RIC1: variants seen among roughly 807,000 people sequenced by gnomAD.
RIC1 encodes guanine nucleotide exchange factor subunit RIC1.
Under a neutral mutation model 169.0 loss-of-function variants are expected in RIC1, and 88 were observed. The ratio of observed to expected loss-of-function variants is 0.52; its 90% CI spans 0.44 to 0.62. The LOEUF (loss-of-function observed/expected upper bound fraction) is 0.62. Ranked by LOEUF, RIC1 falls within the 20% of genes least tolerant of loss-of-function variation. The pLI is 0.00. For missense variants in RIC1, 1,877 were observed against 1,725.5 expected (o/e 1.09, Z -1.56); for synonymous variants, 790 against 601.5 (o/e 1.31, Z -4.59).
At chr9:5,724,126 T>C (rs1334397924) in intron 6 of RIC1, among the ~76,000 whole-genome samples, 1 of 152,214 alleles carries the variant, frequency 6.6e-6, no homozygotes, top group Non-Finnish European at 1.5e-5. Context: ...GGGGATGGCA[T>C]TGAATCTATA....
chr9:5,760,138 ACT>A (rs1274476837), intron 17 of RIC1, among the ~76,000 whole-genome samples: 1 of 152,006 alleles, frequency 6.6e-6, no homozygotes, highest in Non-Finnish European at 1.5e-5. Flanking sequence ...AACAGTGAAA[ACT>A]CTTCAACAGC....
chr9:5,758,037 CAA>C (rs947690335), intron 17 of RIC1, among the ~76,000 whole-genome samples: 3 of 151,992 alleles, frequency 2.0e-5, no homozygotes, highest in African/African-American at 7.3e-5. Flanking sequence ...TGAAGTAAGA[CAA>C]AACTACTGTA....
chr9:5,629,673 C>T (rs562046277), intron 1 of RIC1, among the ~76,000 whole-genome samples: 131 of 152,296 alleles, frequency 8.6e-4, no homozygotes, highest in Middle Eastern at 3.4e-3. Context: ...GTCGCTGCTG[C>T]CGAAAATCCC....
chr9:5,766,100 G>T (rs912343166), intron 21 of RIC1, among the ~76,000 whole-genome samples: 1 of 152,154 alleles, frequency 6.6e-6, no homozygotes, highest in African/African-American at 2.4e-5. Flanking sequence ...GGAATGCAGT[G>T]GCACCATCTC....
intron 1 of RIC1, among the ~76,000 whole-genome samples, chr9:5,643,616 C>A (rs1434350318): frequency 6.6e-6 from 1 of 152,054 alleles, no homozygotes; most frequent in Non-Finnish European, 1.5e-5. Flanking sequence ...TAAACTAGCA[C>A]CTCATTTAGA....
intron 24 of RIC1, 38 bp from the exon 25 acceptor site, chr9:5,772,850 ATCTT>A (rs1563729021): frequency 1.9e-6 from 3 of 1,581,116 alleles, no homozygotes; most frequent in African/African-American, 1.4e-5. Context: ...CATCTTATAG[ATCTT>A]TCTTAGCATA....
At chr9:5,740,717 T>C (rs944056833) in intron 8 of RIC1, among the ~76,000 whole-genome samples, 5 of 151,772 alleles carry the variant, frequency 3.3e-5, no homozygotes, top group Admixed American at 1.3e-4. Context: ...GCTGATTAGA[T>C]TGTGCCCACC....
In RIC1 at chr9:5,753,517, TA is replaced by T. The variant is rs1202522667; in HGVS notation, c.1492-18del. ...ATATAGGTTTGCAAGGAAAAGTTCTTATTTTTTTTTTTAAACAGTTTTCAGC... is the reference window on the plus strand; with the variant it reads ...ATATAGGTTTGCAAGGAAAAGTTCTTTTTTTTTTTTTAAACAGTTTTCAGC... On this transcript the variant is annotated intron_variant, in intron 13 of 25. Coordinates refer to ENST00000414202, the MANE Select transcript of RIC1 (RefSeq NM_020829.4). 5 of 1,472,506 alleles carry T rather than the reference TA, an allele frequency of 3.4e-6. No homozygotes were observed. The highest frequency in any genetic ancestry group is 1.9e-5 in the Admixed American group (1 of 51,458). 91.2% of individuals were successfully genotyped at this position (1,472,506 alleles called of 1,614,324 possible). A position where few individuals can be genotyped will look rare whatever the true frequency, so the allele number is the denominator to read the frequency against.
At chr9:5,704,307 C>G (rs1056065887) in intron 3 of RIC1, among the ~76,000 whole-genome samples, 1 of 151,780 alleles carries the variant, frequency 6.6e-6, no homozygotes, top group Non-Finnish European at 1.5e-5. Context: ...ATTTCTTGGG[C>G]TCAAGCAATC....
intron 2 of RIC1, among the ~76,000 whole-genome samples, chr9:5,659,322 C>G (rs1819302972): frequency 1.3e-5 from 2 of 152,048 alleles, no homozygotes; most frequent in South Asian, 4.1e-4. Context: ...CTTTTGAAAT[C>G]AGGAAGTGGA....
chr9:5,629,877 G>C (rs551695901), intron 1 of RIC1, among the ~76,000 whole-genome samples: 2 of 152,364 alleles, frequency 1.3e-5, no homozygotes, highest in Non-Finnish European at 2.9e-5. Flanking sequence ...TTTGGAGTTA[G>C]GGAAAGCCTC....
At chr9:5,652,931 A>C (rs1294799098) in intron 1 of RIC1, among the ~76,000 whole-genome samples, 2 of 152,120 alleles carry the variant, frequency 1.3e-5, no homozygotes, top group Non-Finnish European at 2.9e-5. Flanking sequence ...AGTTTTGTCA[A>C]ATGCTTTTTC....
chr9:5,747,728 T>C (rs1825467056), intron 12 of RIC1, among the ~76,000 whole-genome samples: 1 of 152,226 alleles, frequency 6.6e-6, no homozygotes, highest in South Asian at 2.1e-4. Context: ...AGTCTATTAA[T>C]AATGTCAAGA....
chr9:5,695,845 T>G (rs1416730399), intron 3 of RIC1, among the ~76,000 whole-genome samples: 1 of 152,014 alleles, frequency 6.6e-6, no homozygotes, highest in Non-Finnish European at 1.5e-5. Context: ...TGCTGGGATT[T>G]CAGGCGTGAG....
intron 3 of RIC1, among the ~76,000 whole-genome samples, chr9:5,695,825 C>G (rs1263831149): frequency 6.6e-6 from 1 of 152,080 alleles, no homozygotes; most frequent in African/African-American, 2.4e-5. Context: ...CCTGCCTCGG[C>G]CTCCCAAAGT....
At position 5,773,991 on chromosome 9, in the gene RIC1, G is replaced by A. The variant is rs1366826450; in HGVS notation, c.4017G>A (p.Lys1339=). 4 of 1,611,556 alleles carry A rather than the reference G, an allele frequency of 2.5e-6. No homozygotes were observed. The African/African-American group carries it at 5.4e-5, about 22-fold the overall frequency. The change falls in exon 26 of 26, where the codon AAG becomes AAA. Residue 1339 remains lysine (K), a synonymous_variant. Coordinates refer to ENST00000414202, the MANE Select transcript of RIC1 (RefSeq NM_020829.4). Reference sequence around the variant, plus strand: ...ATAAGCCATTTTTAAACATCATTAAGCCACAACTGCAGAAGCTCAGTGAGA... The same window carrying A: ...ATAAGCCATTTTTAAACATCATTAAACCACAACTGCAGAAGCTCAGTGAGA... The part of the protein sequence containing the change: ...PGYKPFLNII[K]PQLQKLSEIT...
intron 21 of RIC1, among the ~76,000 whole-genome samples, chr9:5,766,144 C>T (rs1057209071): frequency 3.9e-5 from 6 of 152,170 alleles, no homozygotes; most frequent in Non-Finnish European, 7.4e-5. Flanking sequence ...CAGGTTCAAG[C>T]GATTATCCTG....
At chr9:5,732,856 G>A (rs1164619424) in intron 7 of RIC1, among the ~76,000 whole-genome samples, 1 of 152,096 alleles carries the variant, frequency 6.6e-6, no homozygotes, top group Non-Finnish European at 1.5e-5. Context: ...AAATTAGTGA[G>A]TGTGCTTTAG....
At chr9:5,665,474 C>T (rs1180061119) in intron 2 of RIC1, among the ~76,000 whole-genome samples, 1 of 152,200 alleles carries the variant, frequency 6.6e-6, no homozygotes, top group Non-Finnish European at 1.5e-5. Flanking sequence ...CAGTTGTGAG[C>T]CCTTGCTGGA....
Sources: gnomAD v4.1 joint callset for allele counts (sites outside exome capture counted in the v4.1 genomes callset) on GRCh38, gnomAD v4.1.1 for gene constraint, MANE v1.5 for transcripts, NCBI Gene and HGNC (gene_info 2026-07-23, HGNC 2026-07-21) for gene names.